Variants in CYRIA observed in about 807,000 individuals in gnomAD.
CYRIA encodes CYFIP related Rac1 interactor A, also known as CYFIP-related Rac1 interactor A.
CYRIA carries 15 observed loss-of-function variants against 43.9 expected under a neutral mutation model. That is an observed-to-expected ratio of 0.34 (90% CI 0.23 to 0.53). CYRIA has a LOEUF of 0.53. CYRIA is among the 20% of genes least tolerant of loss of function. The pLI is 0.94. For missense variants in CYRIA, 236 were observed against 394.2 expected, an observed-to-expected ratio of 0.60 and a Z score of 3.40; for synonymous variants, 117 against 136.0, an observed-to-expected ratio of 0.86 and a Z score of 0.97.
intron 10 of CYRIA, among the ~76,000 whole-genome samples, chr2:16,558,127 G>C (rs954632983): frequency 1.3e-5 from 2 of 152,142 alleles, no homozygotes; most frequent in African/African-American, 2.4e-5. Flanking sequence ...GCATGCTGCT[G>C]TATGAACGGT....
rs1666824526 is a variant in CYRIA at position 16,563,527 on chromosome 2, C to A, written c.298+462G>T. ...AACCAGATTTGGCATTACTCAACAT[C>A]TACAAAGCCATCCTGTACTTGCACA... On this transcript the variant is annotated intron_variant, in intron 5 of 11. Coordinates refer to ENST00000381323, the MANE Select transcript of CYRIA (RefSeq NM_030797.4). Among the ~76,000 whole-genome samples, 3 of 152,188 alleles carry A rather than the reference C, an allele frequency of 2.0e-5. No homozygotes were observed. In the South Asian group the frequency reaches 6.2e-4, roughly 31 times the overall value.
intron 2 of CYRIA, among the ~76,000 whole-genome samples, chr2:16,593,200 A>G (rs1164258318): frequency 6.6e-6 from 1 of 152,166 alleles, no homozygotes; most frequent in Non-Finnish European, 1.5e-5. Context: ...TAATGTCCCC[A>G]GCATCATATG....
At chr2:16,625,481 G>A (rs1418772508) in intron 1 of CYRIA, among the ~76,000 whole-genome samples, 1 of 152,184 alleles carries the variant, frequency 6.6e-6, no homozygotes, top group African/African-American at 2.4e-5. Context: ...TCCTTGGCTT[G>A]ATGAGAAAGT....
intron 2 of CYRIA, among the ~76,000 whole-genome samples, chr2:16,607,082 C>T (rs1333101356): frequency 6.6e-6 from 1 of 152,238 alleles, no homozygotes; most frequent in African/African-American, 2.4e-5. Context: ...TGAAACTTCA[C>T]TTGAAATCTC....
At chr2:16,630,315 C>A (rs921389923) in intron 1 of CYRIA, among the ~76,000 whole-genome samples, 2 of 152,174 alleles carry the variant, frequency 1.3e-5, no homozygotes, top group Admixed American at 6.5e-5. Context: ...GACCACTGTA[C>A]TCTACAGCAA....
rs1666359794 is a variant in CYRIA, at chr2:16,552,773, C to T, written c.*163G>A. 1.1e-5 allele frequency: 6 copies of T among 570,856 alleles called. No homozygotes were observed. 35.4% of individuals were successfully genotyped at this position (570,856 alleles called of 1,614,324 possible). A position where few individuals can be genotyped will look rare whatever the true frequency, so the allele number is the denominator to read the frequency against. ...GGCTCTCAAGTCAATTTATGCTCTG[C>T]TGGGTTGAGTCAGTCAGGATACAAA... is the stretch of plus-strand genomic sequence containing the variant. On this transcript the variant is annotated 3_prime_UTR_variant, in exon 12 of 12. Transcript: ENST00000381323.
intron 3 of CYRIA, among the ~76,000 whole-genome samples, chr2:16,586,963 T>C (rs1318345154): frequency 6.6e-6 from 1 of 152,126 alleles, no homozygotes; most frequent in African/African-American, 2.4e-5. Context: ...AACATAAATG[T>C]TCCTCATTCA....
intron 3 of CYRIA, among the ~76,000 whole-genome samples, chr2:16,568,227 G>GAAAA (rs71400699): frequency 1.0e-4 from 9 of 88,722 alleles, no homozygotes; most frequent in Admixed American, 2.5e-4. Context: ...TTCAAAATCA[G>GAAAA]AAAAAAAAAA....
At chr2:16,564,983 A>G (rs1455417155) in intron 4 of CYRIA, among the ~76,000 whole-genome samples, 1 of 152,188 alleles carries the variant, frequency 6.6e-6, no homozygotes, top group Non-Finnish European at 1.5e-5. Flanking sequence ...CCCAGACTTC[A>G]TGGTTCATAT....
At chr2:16,575,906 T>G (rs1667327418) in intron 3 of CYRIA, among the ~76,000 whole-genome samples, 1 of 151,450 alleles carries the variant, frequency 6.6e-6, no homozygotes. Context: ...AATAAATAAA[T>G]AAAGAGCAGT....
rs1669952599 is a variant in CYRIA at position 16,650,789 on chromosome 2, C to T, written c.-167+14991G>A. On this transcript the variant is annotated intron_variant, in intron 1 of 11. Transcript: ENST00000381323. This position sits in a 1 kb window ranked among gnomAD's most constrained non-coding sequence, Gnocchi z 4.1. ...CACCAGGAAATTCAAACAGAAAGAC[C>T]GTGACCTTAAGGCAAGTCAAGGAGG... is the stretch of plus-strand genomic sequence containing the variant. Among the ~76,000 whole-genome samples the T allele has an allele frequency of 2.0e-5, 3 of 152,120 alleles. No individual in the cohort carries two copies. Among genetic ancestry groups the T allele is most frequent in the South Asian group, 2.1e-4 (1 of 4,822 alleles).
intron 2 of CYRIA, among the ~76,000 whole-genome samples, chr2:16,592,952 G>C (rs1266603181): frequency 6.6e-6 from 1 of 152,144 alleles, no homozygotes; most frequent in African/African-American, 2.4e-5. Context: ...AGAATATAAA[G>C]CACCATCTAA....
chr2:16,572,361 T>G (rs946071066), intron 3 of CYRIA, among the ~76,000 whole-genome samples: 9 of 152,040 alleles, frequency 5.9e-5, no homozygotes, highest in African/African-American at 2.2e-4. Context: ...AATCTTTGTA[T>G]TGCCATCAAA....
intron 2 of CYRIA, among the ~76,000 whole-genome samples, chr2:16,609,245 G>A (rs1668510791): frequency 6.6e-6 from 1 of 152,186 alleles, no homozygotes; most frequent in Admixed American, 6.5e-5. Context: ...CTGGAACTGC[G>A]GGCCAGGGAT....
At chr2:16,639,698 G>C (rs372825506) in intron 1 of CYRIA, among the ~76,000 whole-genome samples, 1 of 152,228 alleles carries the variant, frequency 6.6e-6, no homozygotes, top group South Asian at 2.1e-4. Flanking sequence ...TGCTGCCACT[G>C]GGGGGAAGAG....
At chr2:16,559,714 G>C (rs1666662649) in intron 9 of CYRIA, 128 bp from the exon 10 acceptor site, 2 of 962,878 alleles carry the variant, frequency 2.1e-6, no homozygotes, top group African/African-American at 3.3e-5. Context: ...GCAACAACCA[G>C]TTAATATGCT....
intron 2 of CYRIA, among the ~76,000 whole-genome samples, chr2:16,619,361 CTGTG>C (rs1011106781): frequency 2.0e-5 from 3 of 152,054 alleles, no homozygotes; most frequent in African/African-American, 7.3e-5. Flanking sequence ...ATAAAACCCT[CTGTG>C]TGTGTGTGCA....
At chr2:16,558,999 C>A (rs1222873130) in intron 10 of CYRIA, among the ~76,000 whole-genome samples, 1 of 152,112 alleles carries the variant, frequency 6.6e-6, no homozygotes, top group African/African-American at 2.4e-5. Flanking sequence ...CACGTATATC[C>A]AAATGATGAG....
In CYRIA at chr2:16,551,515, C is replaced by A. The variant is rs894019240; in HGVS notation, c.*1421G>T. ...TGAAGCATCCTGGGTTCTAGGCCCA[C>A]ATGGGAGCCATCCTGTATGACCACA... On this transcript the variant is annotated 3_prime_UTR_variant, in exon 12 of 12. Transcript: ENST00000381323. 2 of 152,148 alleles carry A rather than the reference C, an allele frequency of 1.3e-5. No individual in the cohort carries two copies. Among genetic ancestry groups the A allele is most frequent in the Admixed American group, 1.3e-4 (2 of 15,266 alleles). The allele number at this position is 152,148 out of a possible 1,614,324, so 9.4% of individuals were successfully genotyped here. A position where few individuals can be genotyped will look rare whatever the true frequency, so the allele number is the denominator to read the frequency against.
Sources: allele counts gnomAD v4.1 joint callset (sites outside exome capture counted in the v4.1 genomes callset), GRCh38; gene constraint gnomAD v4.1.1; non-coding constraint Gnocchi (gnomAD v3.1); transcripts MANE v1.5; gene names NCBI Gene and HGNC (gene_info 2026-07-23, HGNC 2026-07-21).